The following RBM19 variants were observed in gnomAD, a reference collection of about 807,000 sequenced individuals.
RBM19 encodes the protein probable RNA-binding protein 19.
A neutral mutation model predicts 116.8 loss-of-function variants in RBM19; 94 were observed. The ratio of observed to expected loss-of-function variants is 0.80; its 90% CI spans 0.68 to 0.95. The LOEUF (loss-of-function observed/expected upper bound fraction) is 0.95, where lower values mean the gene tolerates loss of function less well. Ranked by LOEUF, RBM19 falls within the 40% of genes least tolerant of loss-of-function variation. The pLI, the probability that RBM19 is intolerant of heterozygous loss-of-function variation, is 0.00. For synonymous variants in RBM19, 475 were observed against 494.1 expected, an observed-to-expected ratio of 0.96 and a Z score of 0.51; for missense variants, 1,161 against 1,220.7, an observed-to-expected ratio of 0.95 and a Z score of 0.73.
chr12:113,955,710 A>C (rs545215776), intron 6 of RBM19, among the ~76,000 whole-genome samples: 8 of 152,364 alleles, frequency 5.3e-5, no homozygotes, highest in Admixed American at 5.2e-4. Context: ...TATGGCAACA[A>C]AACCTGCCCC....
At chr12:113,905,014 C>T (rs1183085571) in intron 21 of RBM19, among the ~76,000 whole-genome samples, 1 of 152,218 alleles carries the variant, frequency 6.6e-6, no homozygotes, top group Non-Finnish European at 1.5e-5. Flanking sequence ...GTCCAAGCCG[C>T]AGTCAGCTAT....
intron 1 of RBM19, among the ~76,000 whole-genome samples, chr12:113,964,017 G>A (rs779864163): frequency 2.0e-5 from 3 of 152,192 alleles, no homozygotes; most frequent in Non-Finnish European, 4.4e-5. Flanking sequence ...CACAGCACTC[G>A]GTTCACATGT....
intron 21 of RBM19, among the ~76,000 whole-genome samples, chr12:113,871,982 G>A (rs1480290045): frequency 1.3e-5 from 2 of 150,688 alleles, no homozygotes; most frequent in African/African-American, 4.9e-5. Context: ...CTGCCTGGCC[G>A]CCCATCGTCT....
chr12:113,827,477 G>A (rs375804768), intron 23 of RBM19, among the ~76,000 whole-genome samples: 1 of 147,482 alleles, frequency 6.8e-6, no homozygotes, highest in Non-Finnish European at 1.5e-5. Context: ...CATGGGAGGC[G>A]CAGGCAGGCA....
Position 113,858,843 on chromosome 12 carries a change from C to A in RBM19, c.2612G>T (p.Gly871Val). ...VRLPKKMTGT[G>V]THRGFGFVDF... ...CACAAAGCCGAAGCCTCTGTGTGTGCCTGTCCCAGTCATCTTCTTTGGCAG... is the reference window on the plus strand; with the variant it reads ...CACAAAGCCGAAGCCTCTGTGTGTGACTGTCCCAGTCATCTTCTTTGGCAG... The change falls in exon 22 of 24, where the codon GGC (glycine) becomes GTC (valine). Residue 871 changes from glycine to valine, a missense_variant. Transcript: ENST00000261741. 1 of 1,614,168 alleles carries A rather than the reference C, an allele frequency of 6.2e-7. No homozygotes were observed. The highest frequency in any genetic ancestry group is 1.1e-5 in the South Asian group (1 of 91,078).
At chr12:113,890,282 G>A (rs1386745639) in intron 21 of RBM19, among the ~76,000 whole-genome samples, 1 of 152,194 alleles carries the variant, frequency 6.6e-6, no homozygotes, top group African/African-American at 2.4e-5. Context: ...GAGTGGCCGG[G>A]GTGTTTTCCC....
chr12:113,888,082 C>T (rs1565997939), intron 21 of RBM19, among the ~76,000 whole-genome samples: 1 of 152,154 alleles, frequency 6.6e-6, no homozygotes, highest in Admixed American at 6.5e-5. Flanking sequence ...CTGTGGTTAG[C>T]TCCCTGGACT....
intron 22 of RBM19, among the ~76,000 whole-genome samples, chr12:113,852,565 G>C (rs1194106684): frequency 6.6e-6 from 1 of 152,186 alleles, no homozygotes; most frequent in Non-Finnish European, 1.5e-5. Flanking sequence ...GGACACACAG[G>C]ACAATGGACA....
chr12:113,935,289 G>C (rs746276033), intron 16 of RBM19, among the ~76,000 whole-genome samples: 2 of 151,662 alleles, frequency 1.3e-5, no homozygotes, highest in Non-Finnish European at 2.9e-5. Context: ...CGTTTCAAAG[G>C]AGAACTCGCT....
At chr12:113,909,525 C>G (rs749706503) in intron 21 of RBM19, among the ~76,000 whole-genome samples, 3 of 152,178 alleles carry the variant, frequency 2.0e-5, no homozygotes, top group Non-Finnish European at 2.9e-5. Flanking sequence ...CCACCTGACT[C>G]CAATGGCTGG....
chr12:113,833,775 G>T (rs1385079654), intron 23 of RBM19, among the ~76,000 whole-genome samples: 1 of 152,166 alleles, frequency 6.6e-6, no homozygotes, highest in Non-Finnish European at 1.5e-5. Flanking sequence ...ATAGGGTCTT[G>T]CTCTGTTGCC....
Position 113,947,413 on chromosome 12 carries a change from T to C in RBM19, c.1328A>G (p.Lys443Arg), listed in dbSNP as rs766644683. ...CATGAAGGTGATGAATGCAAAACCC[T>C]TGGGTTTCTTGGTCAGGCTGTCGAT... ...YPIDSLTKKP[K>R]GFAFITFMFP... is the part of the protein sequence containing the mutation. Residue 443 changes from lysine to arginine, a missense_variant, in exon 11 of 24, where the codon AAG becomes AGG. By Grantham distance (26) the Lys-to-Arg change is conservative. Coordinates refer to ENST00000261741, the MANE Select transcript of RBM19 (RefSeq NM_016196.4). The C allele has an allele frequency of 3.7e-6, 6 of 1,610,478 alleles. No homozygotes were observed. Among genetic ancestry groups the C allele is most frequent in the Non-Finnish European group, 3.4e-6 (4 of 1,177,026 alleles).
Position 113,877,231 on chromosome 12 carries a change from C to T in RBM19, c.2559-18335G>A, listed in dbSNP as rs761933573. Among the ~76,000 whole-genome samples, 5 of 152,240 alleles carry T rather than the reference C, an allele frequency of 3.3e-5. No individual in the cohort carries two copies. The South Asian group carries it at 6.2e-4, about 19-fold the overall frequency. On this transcript the variant is annotated intron_variant, in intron 21 of 23. Transcript: ENST00000261741. ...TGATACACCAGTGACCACTGATGAC[C>T]GTGAACCACAAAGACCCACAGGTTG... is the stretch of plus-strand genomic sequence containing the variant.
intron 22 of RBM19, among the ~76,000 whole-genome samples, chr12:113,848,105 G>A (rs1036590278): frequency 5.3e-5 from 8 of 152,222 alleles, no homozygotes; most frequent in African/African-American, 1.9e-4. Flanking sequence ...TAAAAGGAGG[G>A]CAGCAGCAAA....
intron 21 of RBM19, among the ~76,000 whole-genome samples, chr12:113,883,042 C>A (rs1007470235): frequency 9.3e-5 from 14 of 149,886 alleles, no homozygotes; most frequent in Middle Eastern, 3.4e-3. Flanking sequence ...GAAAGAGAGA[C>A]AGAGAGAGAG....
intron 21 of RBM19, among the ~76,000 whole-genome samples, chr12:113,882,747 A>G (rs1203851380): frequency 6.6e-6 from 1 of 152,194 alleles, no homozygotes; most frequent in Non-Finnish European, 1.5e-5. Flanking sequence ...CAGCCACCCA[A>G]AATCTACATA....
intron 16 of RBM19, among the ~76,000 whole-genome samples, chr12:113,928,353 AAACAACAAC>A (rs151121535): frequency 5.3e-5 from 8 of 150,848 alleles, no homozygotes; most frequent in Non-Finnish European, 7.4e-5. Context: ...AAAACAAAAC[AAACAACAAC>A]AACAACAACA....
At position 113,822,986 on chromosome 12, in the gene RBM19, G is replaced by A. The variant is rs1874537914; in HGVS notation, c.*238C>T. 1 of 529,326 alleles carries A rather than the reference G, an allele frequency of 1.9e-6. No individual in the cohort carries two copies. The highest frequency in any genetic ancestry group is 3.4e-5 in the East Asian group (1 of 29,688). The allele number at this position is 529,326 out of a possible 1,614,324, so 32.8% of individuals were successfully genotyped here. A position where few individuals can be genotyped will look rare whatever the true frequency, so the allele number is the denominator to read the frequency against. On this transcript the variant is annotated 3_prime_UTR_variant, in exon 24 of 24. Coordinates refer to ENST00000261741, the MANE Select transcript of RBM19 (RefSeq NM_016196.4). ...ACTCTTCCGTGTCTGCTACAGAGCA[G>A]GTGCGCAGTCAGTGTCTGCTAGAAC...
chr12:113,953,941 C>T (rs1871686005), intron 7 of RBM19, among the ~76,000 whole-genome samples: 1 of 152,270 alleles, frequency 6.6e-6, no homozygotes, highest in Non-Finnish European at 1.5e-5. Flanking sequence ...CTGGCCTTTA[C>T]AGACGAAGTC....
Sources: gnomAD v4.1 joint callset for allele counts (sites outside exome capture counted in the v4.1 genomes callset) on GRCh38, gnomAD v4.1.1 for gene constraint, MANE v1.5 for transcripts, NCBI Gene and HGNC (gene_info 2026-07-23, HGNC 2026-07-21) for gene names.